Variants in ARID3A observed in about 807,000 individuals in gnomAD.
ARID3A encodes the protein AT-rich interaction domain 3A.
In ARID3A, 11 loss-of-function variants were observed where a neutral mutation model predicts 52.7. The ratio of observed to expected loss-of-function variants is 0.21; its 90% CI spans 0.13 to 0.35. ARID3A has a LOEUF of 0.35. ARID3A is among the 10% of genes least tolerant of loss of function. The probability of loss-of-function intolerance (pLI) is 1.00; values close to 1 mark genes in which losing one functional copy is unlikely to be tolerated. For synonymous variants in ARID3A, 404 were observed against 359.4 expected, an observed-to-expected ratio of 1.12 and a Z score of -1.40; for missense variants, 721 against 838.5, an observed-to-expected ratio of 0.86 and a Z score of 1.73.
intron 8 of ARID3A, among the ~76,000 whole-genome samples, chr19:968,975 T>G (rs2038221375): frequency 6.6e-6 from 1 of 152,102 alleles, no homozygotes; most frequent in Non-Finnish European, 1.5e-5. Context: ...TTTCGGAGGC[T>G]GAGGAGCAAA....
At position 965,062 on chromosome 19, in the gene ARID3A, G is replaced by A. The variant is rs147399288; in HGVS notation, c.1180G>A (p.Ala394Thr). Reference sequence around the variant, plus strand: ...CACCAATGGCAGCTCCATCACCCCCGCCCCTAAGATCAAGAAAGGTAAGGG... The same window carrying A: ...CACCAATGGCAGCTCCATCACCCCCACCCCTAAGATCAAGAAAGGTAAGGG... ...ASTNGSSITP[A>T]PKIKKEEDSA... The change falls in exon 6 of 9, where the codon GCC becomes ACC. Residue 394 changes from alanine to threonine, a missense_variant. Ala to Thr is a moderately conservative substitution (Grantham distance 58). Transcript: ENST00000263620. The A allele has an allele frequency of 6.8e-5, 109 of 1,610,732 alleles. No individual in the cohort carries two copies. The African/African-American group carries it at 9.7e-4, about 14-fold the overall frequency.
intron 3 of ARID3A, among the ~76,000 whole-genome samples, chr19:949,983 T>C (rs931344643): frequency 1.3e-5 from 2 of 152,018 alleles, no homozygotes; most frequent in Non-Finnish European, 2.9e-5. Context: ...GATTTTGCCT[T>C]GATGGGTGGG....
intron 3 of ARID3A, chr19:957,930 T>G (rs1429765663): frequency 6.6e-6 from 1 of 151,726 alleles, no homozygotes; most frequent in Non-Finnish European, 1.5e-5. Flanking sequence ...CGCCAAATAG[T>G]GAAACCCTGT....
chr19:927,052 CT>C lies in ARID3A; in HGVS notation c.-268+994del, dbSNP rs1568351927. On this transcript the variant is annotated intron_variant, in intron 1 of 8. Transcript: ENST00000263620. Reference sequence around the variant, plus strand: ...CCAGCTTTCTGCCCCGCCCCTCCCCCTCCTCTTCCCTTCGTGGAGTGAGGGG... The same window carrying C: ...CCAGCTTTCTGCCCCGCCCCTCCCCCCCTCTTCCCTTCGTGGAGTGAGGGG... 5.9e-5 allele frequency among the ~76,000 whole-genome samples: 9 copies of C among 152,274 alleles called. No individual in the cohort carries two copies. In the South Asian group the frequency reaches 1.9e-3, roughly 32 times the overall value.
intron 1 of ARID3A, among the ~76,000 whole-genome samples, chr19:927,651 A>C (rs2037229647): frequency 9.2e-6 from 1 of 108,450 alleles, no homozygotes; most frequent in African/African-American, 3.6e-5. Context: ...ACCCGACCAG[A>C]CCCTGAGTCA....
chr19:933,269 C>T (rs558722390), intron 3 of ARID3A, among the ~76,000 whole-genome samples: 25 of 152,194 alleles, frequency 1.6e-4, no homozygotes, highest in African/African-American at 3.9e-4. Flanking sequence ...TGTGAGGCTC[C>T]GAGTGGGCGG....
At chr19:939,516 C>T (rs1333644392) in intron 3 of ARID3A, among the ~76,000 whole-genome samples, 1 of 152,178 alleles carries the variant, frequency 6.6e-6, no homozygotes. Flanking sequence ...CCTCCCTTGA[C>T]CTCTAGGGCA....
chr19:937,277 CAAAGA>C (rs1285890573), intron 3 of ARID3A, among the ~76,000 whole-genome samples: 3 of 152,150 alleles, frequency 2.0e-5, no homozygotes, highest in Non-Finnish European at 4.4e-5. Context: ...AAAACAAGAA[CAAAGA>C]AAAGAAATGG....
At chr19:956,985 T>TC (rs2037932031) in intron 3 of ARID3A, among the ~76,000 whole-genome samples, 2 of 152,078 alleles carry the variant, frequency 1.3e-5, no homozygotes, top group South Asian at 2.1e-4. Flanking sequence ...CCAGCCACAT[T>TC]CCCCCGAGCT....
In ARID3A at chr19:941,211, G is replaced by A. The variant is rs941375774; in HGVS notation, c.693+8469G>A. 2.6e-5 allele frequency among the ~76,000 whole-genome samples: 4 copies of A among 152,240 alleles called. No individual in the cohort carries two copies. Among genetic ancestry groups the A allele is most frequent in the Admixed American group, 6.5e-5 (1 of 15,292 alleles). Reference sequence around the variant, plus strand: ...AGTGTCCCCGCGTGGTGCCTGGGCGGGGGAATGGGCGTGGTGAGCCGCCGT... The same window carrying A: ...AGTGTCCCCGCGTGGTGCCTGGGCGAGGGAATGGGCGTGGTGAGCCGCCGT... On this transcript the variant is annotated intron_variant, in intron 3 of 8. Transcript: ENST00000263620. The surrounding 1 kb of genome is among the most constrained non-coding windows in gnomAD (Gnocchi z 6.9).
At chr19:962,336 C>G (rs918921908) in intron 4 of ARID3A, among the ~76,000 whole-genome samples, 1 of 152,126 alleles carries the variant, frequency 6.6e-6, no homozygotes, top group Non-Finnish European at 1.5e-5. Flanking sequence ...ACCCTCTCCC[C>G]TCAGCAGCAG....
chr19:947,628 G>A lies in ARID3A; in HGVS notation c.694-12464G>A, dbSNP rs1297249056. The stretch of plus-strand genomic sequence containing the variant: ...GGCCCGTCACGGGAGAATGAGGAGG[G>A]TCTGGCGTCAGCAAGCTCCCCCGGA... On this transcript the variant is annotated intron_variant, in intron 3 of 8. Coordinates refer to ENST00000263620, the MANE Select transcript of ARID3A (RefSeq NM_005224.3). This position sits in a 1 kb window ranked among gnomAD's most constrained non-coding sequence, Gnocchi z 6.3. Among the ~76,000 whole-genome samples the A allele has an allele frequency of 6.6e-6, 1 of 152,216 alleles. No individual in the cohort carries two copies. The highest frequency in any genetic ancestry group is 2.4e-5 in the African/African-American group (1 of 41,454).
chr19:963,449 G>T (rs1173866536), intron 4 of ARID3A, among the ~76,000 whole-genome samples: 1 of 152,218 alleles, frequency 6.6e-6, no homozygotes, highest in African/African-American at 2.4e-5. Flanking sequence ...GCCAGGGAGG[G>T]GCTGGGCAGA....
At position 953,741 on chromosome 19, in the gene ARID3A, C is replaced by T. The variant is rs185073589; in HGVS notation, c.694-6351C>T. Among the ~76,000 whole-genome samples, 550 of 151,988 alleles carry T rather than the reference C, an allele frequency of 3.6e-3. 14 individuals carry two copies. The highest frequency in any genetic ancestry group is 0.033 in the Admixed American group (505 of 15,242). ...GCATTCCAGGCAGAAGGAACAGCGC[C>T]GCGGAGGCCCTGGGGTGGGGGCCTG... On this transcript the variant is annotated intron_variant, in intron 3 of 8. Coordinates refer to ENST00000263620, the MANE Select transcript of ARID3A (RefSeq NM_005224.3).
At chr19:935,203 C>T (rs1175616785) in intron 3 of ARID3A, among the ~76,000 whole-genome samples, 4 of 152,208 alleles carry the variant, frequency 2.6e-5, no homozygotes, top group Non-Finnish European at 5.9e-5. Context: ...TGCAAATCCT[C>T]GACAGCTGTG....
chr19:942,481 C>T lies in ARID3A; in HGVS notation c.693+9739C>T, dbSNP rs542178322. Among the ~76,000 whole-genome samples, 150 of 152,348 alleles carry T rather than the reference C, an allele frequency of 9.8e-4. No individual in the cohort carries two copies. Among genetic ancestry groups the T allele is most frequent in the Middle Eastern group, 3.4e-3 (1 of 294 alleles). ...GGGCGGGTGCGGACCGCCTCTTCTC[C>T]GCTCTGCCGGCTGCACATGGCCAGA... On this transcript the variant is annotated intron_variant, in intron 3 of 8. Coordinates refer to ENST00000263620, the MANE Select transcript of ARID3A (RefSeq NM_005224.3). This position sits in a 1 kb window ranked among gnomAD's most constrained non-coding sequence, Gnocchi z 8.1.
intron 3 of ARID3A, among the ~76,000 whole-genome samples, chr19:954,948 C>T (rs745899497): frequency 1.3e-5 from 2 of 152,152 alleles, no homozygotes; most frequent in South Asian, 2.1e-4. Context: ...CCGCTTATCT[C>T]GGCCCTCAGC....
In ARID3A at chr19:966,507, C is replaced by G. The variant is rs537764055; in HGVS notation, c.1199-65C>G. The G allele has an allele frequency of 1.1e-3, 1,441 of 1,344,818 alleles. 5 individuals carry two copies. The highest frequency in any genetic ancestry group is 9.3e-4 in the Non-Finnish European group (924 of 989,234). 83.3% of individuals were successfully genotyped at this position (1,344,818 alleles called of 1,614,324 possible). Reference sequence around the variant, plus strand: ...AAAAGAAAAAAGAAGGTGCATGTTCCTGCCTTGAGTGGAAGGCAGGGCCCA... The same window carrying G: ...AAAAGAAAAAAGAAGGTGCATGTTCGTGCCTTGAGTGGAAGGCAGGGCCCA... On this transcript the variant is annotated intron_variant, in intron 6 of 8. Coordinates refer to ENST00000263620, the MANE Select transcript of ARID3A (RefSeq NM_005224.3).
chr19:974,618 G>T lies in ARID3A; in HGVS notation c.*2553G>T. On this transcript the variant is annotated 3_prime_UTR_variant, in exon 9 of 9. Coordinates refer to ENST00000263620, the MANE Select transcript of ARID3A (RefSeq NM_005224.3). ...CACCAGGGTCTGCAGCAGCCACTGG[G>T]GCCTGGCTGCCTGCTGCATCTGGCG... 1 of 230,412 alleles carries T rather than the reference G, an allele frequency of 4.3e-6. No homozygotes were observed. The highest frequency in any genetic ancestry group is 8.6e-6 in the Non-Finnish European group (1 of 116,318). The allele number at this position is 230,412 out of a possible 1,614,324, so 14.3% of individuals were successfully genotyped here.
Sources: allele counts gnomAD v4.1 joint callset (sites outside exome capture counted in the v4.1 genomes callset), GRCh38; gene constraint gnomAD v4.1.1; non-coding constraint Gnocchi (gnomAD v3.1); transcripts MANE v1.5; gene names NCBI Gene and HGNC (gene_info 2026-07-23, HGNC 2026-07-21).